The following APOD variants were observed in gnomAD, a reference collection of about 807,000 sequenced individuals.
APOD encodes apo-D.
APOD carries 22 observed loss-of-function variants against 20.4 expected under a neutral mutation model. The observed-to-expected ratio is 1.08, with a 90% CI of 0.77 to 1.54. The LOEUF (loss-of-function observed/expected upper bound fraction) is 1.54, where lower values mean the gene tolerates loss of function less well. APOD is among the 40% of genes most tolerant of loss of function. The pLI is 0.00. For missense variants in APOD, 223 were observed against 229.6 expected, an observed-to-expected ratio of 0.97 and a Z score of 0.19; for synonymous variants, 97 against 92.4, an observed-to-expected ratio of 1.05 and a Z score of -0.29.
intron 1 of APOD, among the ~76,000 whole-genome samples, chr3:195,580,713 G>A (rs1433134874): frequency 6.6e-6 from 1 of 152,126 alleles, no homozygotes; most frequent in African/African-American, 2.4e-5. Flanking sequence ...CCTGTTGAGG[G>A]TATTTTTCAT....
At chr3:195,569,234 C>A in intron 4 of APOD, 99 bp from the exon 5 acceptor site, 1 of 967,754 alleles carries the variant, frequency 1.0e-6, no homozygotes, top group Admixed American at 2.2e-5. Context: ...CACCAAGCCC[C>A]CCACCTCTGA....
At chr3:195,572,816 G>T (rs550009814) in intron 3 of APOD, among the ~76,000 whole-genome samples, 13 of 152,004 alleles carry the variant, frequency 8.6e-5, no homozygotes, top group South Asian at 2.1e-4. Flanking sequence ...ATCAAGACCA[G>T]CCTGGCCAAC....
intron 4 of APOD, among the ~76,000 whole-genome samples, chr3:195,570,027 C>T (rs896900920): frequency 1.3e-5 from 2 of 152,042 alleles, no homozygotes; most frequent in African/African-American, 2.4e-5. Context: ...TCTTGAACTC[C>T]TGACTTCGTG....
rs1299251998 is a variant in APOD, at chr3:195,568,833, G to C, written c.*67C>G. On this transcript the variant is annotated 3_prime_UTR_variant, in exon 5 of 5. Transcript: ENST00000343267. Reference sequence around the variant, plus strand: ...CGTGGTTGATTGGTTTGTCTTTATGGGGGGGGGGTAGGGGAAAGCGAAGCA... The same window carrying C: ...CGTGGTTGATTGGTTTGTCTTTATGCGGGGGGGGTAGGGGAAAGCGAAGCA... 7.7e-6 allele frequency: 8 copies of C among 1,041,148 alleles called. 1 individual carries two copies. Among genetic ancestry groups the C allele is most frequent in the African/African-American group, 3.6e-5 (2 of 55,460 alleles). 64.5% of individuals were successfully genotyped at this position (1,041,148 alleles called of 1,614,324 possible). A position where few individuals can be genotyped will look rare whatever the true frequency, so the allele number is the denominator to read the frequency against.
chr3:195,571,511 T>C, intron 3 of APOD, 146 bp from the exon 4 acceptor site: 1 of 694,556 alleles, frequency 1.4e-6, no homozygotes, highest in Non-Finnish European at 2.4e-6. Flanking sequence ...TAAGAGAGGC[T>C]CTCAAAGGCA....
chr3:195,568,816 A>T lies in APOD; in HGVS notation c.*84T>A. On this transcript the variant is annotated 3_prime_UTR_variant, in exon 5 of 5. Transcript: ENST00000343267. ...AGGTCAACTTCCTTTGTCGTGGTTG[A>T]TTGGTTTGTCTTTATGGGGGGGGGG... is the stretch of plus-strand genomic sequence containing the variant. 1.2e-6 allele frequency: 1 copy of T among 846,214 alleles called. No homozygotes were observed. The highest frequency in any genetic ancestry group is 1.9e-6 in the Non-Finnish European group (1 of 539,138). The allele number at this position is 846,214 out of a possible 1,614,324, so 52.4% of individuals were successfully genotyped here. A position where few individuals can be genotyped will look rare whatever the true frequency, so the allele number is the denominator to read the frequency against.
In APOD at chr3:195,579,303, G is replaced by A. The variant is rs779080160; in HGVS notation, c.123+36C>T. 9 of 1,613,042 alleles carry A rather than the reference G, an allele frequency of 5.6e-6. No homozygotes were observed. In the Admixed American group the frequency reaches 8.3e-5, roughly 15 times the overall value. Reference sequence around the variant, plus strand: ...ACCTTGTAGAACGCTTATTCACAGCGGAGGCAGCAAAACAAACGGGAGGTT... The same window carrying A: ...ACCTTGTAGAACGCTTATTCACAGCAGAGGCAGCAAAACAAACGGGAGGTT... On this transcript the variant is annotated intron_variant, in intron 2 of 4. Coordinates refer to ENST00000343267, the MANE Select transcript of APOD (RefSeq NM_001647.4).
At chr3:195,570,730 C>T (rs1177012725) in intron 4 of APOD, 1 of 157,694 alleles carries the variant, frequency 6.3e-6, no homozygotes, top group Non-Finnish European at 1.4e-5. Flanking sequence ...GGTGCTTTCT[C>T]TATTGCCTGT....
intron 1 of APOD, among the ~76,000 whole-genome samples, chr3:195,579,830 G>A (rs371937380): frequency 4.1e-4 from 63 of 152,276 alleles, no homozygotes; most frequent in African/African-American, 1.4e-3. Context: ...TCAAAGTGTC[G>A]GCTCAGTAGA....
intron 1 of APOD, among the ~76,000 whole-genome samples, chr3:195,582,023 G>T (rs759713955): frequency 6.6e-6 from 1 of 152,110 alleles, no homozygotes; most frequent in Non-Finnish European, 1.5e-5. Flanking sequence ...AAAAAAATTA[G>T]CTGGGCATGG....
intron 2 of APOD, among the ~76,000 whole-genome samples, chr3:195,578,439 T>C (rs186709110): frequency 6.4e-4 from 97 of 152,316 alleles, no homozygotes; most frequent in Admixed American, 2.0e-3. Context: ...ATGTTACTGT[T>C]GCCATTCTTA....
At position 195,571,361 on chromosome 3, in the gene APOD, C is replaced by T. The variant is rs1720156267; in HGVS notation, c.250G>A (p.Asp84Asn). ...IKVLNQELRA[D>N]GTVNQIEGEA... Reference sequence around the variant, plus strand: ...CCTTCGATTTGATTCACAGTTCCATCAGCTCTGCAGTGAGTTAAAAAAAGA... The same window carrying T: ...CCTTCGATTTGATTCACAGTTCCATTAGCTCTGCAGTGAGTTAAAAAAAGA... The change falls in exon 4 of 5, where the codon GAT becomes AAT. Residue 84 changes from aspartate to asparagine, a missense_variant. Coordinates refer to ENST00000343267, the MANE Select transcript of APOD (RefSeq NM_001647.4). The T allele has an allele frequency of 5.6e-6, 9 of 1,609,630 alleles. No individual in the cohort carries two copies. Among genetic ancestry groups the T allele is most frequent in the Non-Finnish European group, 7.6e-6 (9 of 1,178,604 alleles).
chr3:195,575,300 T>A (rs1000148184), intron 2 of APOD, among the ~76,000 whole-genome samples: 1 of 152,198 alleles, frequency 6.6e-6, no homozygotes, highest in East Asian at 1.9e-4. Context: ...TTAGATTGAG[T>A]TCCCCTGGAT....
intron 4 of APOD, chr3:195,570,852 G>A (rs754950316): frequency 4.7e-5 from 8 of 168,458 alleles, no homozygotes; most frequent in Admixed American, 1.2e-4. Context: ...CAAACTTGCC[G>A]TCACTCTTGT....
At chr3:195,578,808 C>T (rs1720288515) in intron 2 of APOD, among the ~76,000 whole-genome samples, 1 of 152,146 alleles carries the variant, frequency 6.6e-6, no homozygotes, top group Admixed American at 6.5e-5. Context: ...ATCTGTAGAA[C>T]AAGGATAATA....
At chr3:195,573,489 G>C (rs1445966345) in intron 3 of APOD, among the ~76,000 whole-genome samples, 1 of 152,200 alleles carries the variant, frequency 6.6e-6, no homozygotes, top group Non-Finnish European at 1.5e-5. Context: ...TGAGCTCCCA[G>C]TTCCTGGAAG....
At chr3:195,580,368 C>CTTTCTTTCTTTCT (rs1720315501) in intron 1 of APOD, among the ~76,000 whole-genome samples, 2 of 140,640 alleles carry the variant, frequency 1.4e-5, no homozygotes, top group Admixed American at 7.0e-5. Context: ...TTTCTTTCTT[C>CTTTCTTTCTTTCT]TTTTTTTTTT....
chr3:195,573,859 T>G lies in APOD; in HGVS notation c.236A>C (p.Gln79Pro). Residue 79 changes from glutamine (Q) to proline (P), a missense_variant, in exon 3 of 5, where the codon CAG becomes CCG. Gln to Pro is a moderately conservative substitution (Grantham distance 76). Coordinates refer to ENST00000343267, the MANE Select transcript of APOD (RefSeq NM_001647.4). ...GCCCACAGCCACTCACCTCAACTCC[T>G]GGTTTAACACTTTGATCTTTCCGTT... Reference protein sequence around the residue: ...MENGKIKVLNQELRADGTVNQ... With the variant: ...MENGKIKVLNPELRADGTVNQ... The G allele has an allele frequency of 6.2e-7, 1 of 1,614,104 alleles. No individual in the cohort carries two copies. The highest frequency in any genetic ancestry group is 8.5e-7 in the Non-Finnish European group (1 of 1,179,958).
At chr3:195,576,686 T>C (rs892531250) in intron 2 of APOD, among the ~76,000 whole-genome samples, 15 of 151,642 alleles carry the variant, frequency 9.9e-5, no homozygotes, top group African/African-American at 3.6e-4. Context: ...GGCACGCAAC[T>C]GTAATACCAG....
Sources: allele counts gnomAD v4.1 joint callset (sites outside exome capture counted in the v4.1 genomes callset), GRCh38; gene constraint gnomAD v4.1.1; transcripts MANE v1.5; gene names NCBI Gene and HGNC (gene_info 2026-07-23, HGNC 2026-07-21).